The following LMF2 variants were observed in gnomAD, a reference collection of about 807,000 sequenced individuals.
LMF2 encodes transmembrane protein 112B.
A neutral mutation model predicts 81.5 loss-of-function variants in LMF2; 113 were observed. The observed-to-expected ratio is 1.39, with a 90% CI of 1.19 to 1.62. The LOEUF (loss-of-function observed/expected upper bound fraction) is 1.62, where lower values mean the gene tolerates loss of function less well. LMF2 is among the 40% of genes most tolerant of loss of function. The probability of loss-of-function intolerance (pLI) is 0.00; values close to 1 mark genes in which losing one functional copy is unlikely to be tolerated. For missense variants in LMF2, 1,235 were observed against 929.1 expected (o/e 1.33, Z -4.28); for synonymous variants, 645 against 424.5 (o/e 1.52, Z -6.39).
chr22:50,503,729 G>A (rs1365641486), intron 13 of LMF2, 30 bp from the exon 14 acceptor site: 2 of 1,587,372 alleles, frequency 1.3e-6, no homozygotes, highest in Non-Finnish European at 1.7e-6. Context: ...AGGGAGGTTG[G>A]GGAAGTGCTT....
chr22:50,506,405 C>T lies in LMF2; in HGVS notation c.475G>A (p.Gly159Arg). The T allele has an allele frequency of 6.5e-7, 1 of 1,549,948 alleles. No individual in the cohort carries two copies. Among genetic ancestry groups the T allele is most frequent in the Non-Finnish European group, 8.7e-7 (1 of 1,147,526 alleles). ...GGGAGGTCTTCGTGGGGCAGGGCCC[C>T]TGCCTGCCTGCCCTGGGGGGCCTCC... ...RKEAPQGRQA[G>R]ALPHEDLPFW... The change falls in exon 4 of 14, where the codon GGG becomes AGG. Residue 159 changes from glycine (G) to arginine (R), a missense_variant. Gly to Arg is a moderately radical substitution (Grantham distance 125). Coordinates refer to ENST00000474879, the MANE Select transcript of LMF2 (RefSeq NM_033200.3).
chr22:50,507,332 G>A (rs2068615381), intron 1 of LMF2: 4 of 605,436 alleles, frequency 6.6e-6, no homozygotes, highest in South Asian at 2.0e-5. Context: ...CTGGGAGGAA[G>A]CCTCTCTCCC....
Position 50,503,699 on chromosome 22 carries a change from C to T in LMF2, c.1816G>A (p.Glu606Lys), listed in dbSNP as rs2068467470. Residue 606 changes from glutamate (E) to lysine (K), a missense_variant and splice_region_variant, in exon 14 of 14, where the codon GAG becomes AAG. Physicochemically the swap from Glu to Lys is moderately conservative, Grantham distance 56. Coordinates refer to ENST00000474879, the MANE Select transcript of LMF2 (RefSeq NM_033200.3). ...ETLLRQFGLQ[E>K]KSPPRTRSAN... Reference sequence around the variant, plus strand: ...CTGCGGGTGCGAGGTGGGCTTTTCTCCTGTGGGAGGGAGGGAGGGAGGGAG... The same window carrying T: ...CTGCGGGTGCGAGGTGGGCTTTTCTTCTGTGGGAGGGAGGGAGGGAGGGAG... 7.9e-7 allele frequency: 1 copy of T among 1,264,468 alleles called. No individual in the cohort carries two copies. 78.3% of individuals were successfully genotyped at this position (1,264,468 alleles called of 1,614,324 possible). A position where few individuals can be genotyped will look rare whatever the true frequency, so the allele number is the denominator to read the frequency against.
At position 50,503,282 on chromosome 22, in the gene LMF2, C is replaced by T. The variant is rs1440043360; in HGVS notation, c.*109G>A. 5 of 1,222,710 alleles carry T rather than the reference C, an allele frequency of 4.1e-6. No individual in the cohort carries two copies. In the African/African-American group the frequency reaches 4.6e-5, roughly 11 times the overall value. 75.7% of individuals were successfully genotyped at this position (1,222,710 alleles called of 1,614,324 possible). ...CCAGGGGCAGCCCCCCAACCTGTGC[C>T]TGGCCCTGCAGGGTCAGCTAAGGCA... On this transcript the variant is annotated 3_prime_UTR_variant, in exon 14 of 14. Transcript: ENST00000474879.
chr22:50,505,787 GTGA>G lies in LMF2; in HGVS notation c.800_802del (p.Ile267del). On this transcript the variant is annotated inframe_deletion, in exon 6 of 14. Transcript: ENST00000474879. ...CAGGTTGAAGAAGTTGTAGTTGCCG[GTGA>G]TGATAATCAGGACCTGCAGCAGCAC... The G allele has an allele frequency of 6.2e-7, 1 of 1,613,228 alleles. No homozygotes were observed. Among genetic ancestry groups the G allele is most frequent in the Non-Finnish European group, 8.5e-7 (1 of 1,179,944 alleles).
Position 50,504,995 on chromosome 22 carries a change from G to A in LMF2, c.1255-11C>T. 2 of 1,610,722 alleles carry A rather than the reference G, an allele frequency of 1.2e-6. No homozygotes were observed. The highest frequency in any genetic ancestry group is 1.7e-6 in the Non-Finnish European group (2 of 1,178,348). On this transcript the variant is annotated splice_polypyrimidine_tract_variant and intron_variant, in intron 9 of 13. Transcript: ENST00000474879. Reference sequence around the variant, plus strand: ...GTAGGAGTACGGCACCTGGAGACAGGTGGGAGGTTCTCAGGGCTGCCCTGC... The same window carrying A: ...GTAGGAGTACGGCACCTGGAGACAGATGGGAGGTTCTCAGGGCTGCCCTGC...
rs746608098 is a variant in LMF2, at chr22:50,505,999, G to A, written c.774+36C>T. On this transcript the variant is annotated intron_variant, in intron 5 of 13. Transcript: ENST00000474879. ...TGAGCAGCGCTGAAGGCCGAGCCCTGTCTGCCTCTCTCTGACAGCTGCGGC... is the reference window on the plus strand; with the variant it reads ...TGAGCAGCGCTGAAGGCCGAGCCCTATCTGCCTCTCTCTGACAGCTGCGGC... 2.6e-6 allele frequency: 4 copies of A among 1,567,542 alleles called. No individual in the cohort carries two copies. In the South Asian group the frequency reaches 3.5e-5, roughly 14 times the overall value.
chr22:50,504,007 A>ACC (rs2068478449), intron 12 of LMF2, 103 bp from the exon 13 acceptor site: 2 of 935,654 alleles, frequency 2.1e-6, no homozygotes, highest in African/African-American at 2.1e-5. Context: ...CACGCTCCAC[A>ACC]TCCCCCCCTG....
chr22:50,506,472 C>G lies in LMF2; in HGVS notation c.408G>C (p.Leu136=). The change falls in exon 4 of 14, where the codon CTG becomes CTC. Residue 136 remains leucine (L), a synonymous_variant. Coordinates refer to ENST00000474879, the MANE Select transcript of LMF2 (RefSeq NM_033200.3). ...WDSLLLETGF[L]AVLVAPLRPA... ...GCCTCAGCGGGGCCACCAGCACGGC[C>G]AGGAAGCCAGTCTCTAGCAGCAGGG... 2 of 1,552,494 alleles carry G rather than the reference C, an allele frequency of 1.3e-6. No individual in the cohort carries two copies. The highest frequency in any genetic ancestry group is 1.7e-6 in the Non-Finnish European group (2 of 1,150,298).
In LMF2 at chr22:50,504,981, G is replaced by A. The variant is rs752475028; in HGVS notation, c.1258C>T (p.Pro420Ser). 3 of 1,609,922 alleles carry A rather than the reference G, an allele frequency of 1.9e-6. No individual in the cohort carries two copies. The highest frequency in any genetic ancestry group is 2.5e-6 in the Non-Finnish European group (3 of 1,177,768). The change falls in exon 10 of 14, where the codon CCG becomes TCG. Residue 420 changes from proline to serine, a missense_variant. Transcript: ENST00000474879. ...GTCCCGGGCTCCACGTAGGAGTACG[G>A]CACCTGGAGACAGGTGGGAGGTTCT... ...TVALFLISLV[P>S]YSYVEPGTHG...
rs374596193 is a variant in LMF2 at position 50,506,455 on chromosome 22, G to A, written c.425C>T (p.Pro142Leu). Reference protein sequence around the residue: ...ETGFLAVLVAPLRPASHRKEA... With the variant: ...ETGFLAVLVALLRPASHRKEA... The stretch of plus-strand genomic sequence containing the variant: ...CTTGCGGTGGGAGGCTGGCCTCAGC[G>A]GGGCCACCAGCACGGCCAGGAAGCC... The change falls in exon 4 of 14, where the codon CCG (proline) becomes CTG (leucine). Residue 142 changes from proline to leucine, a missense_variant. By Grantham distance (98) the Pro-to-Leu change is moderately conservative (BLOSUM62 -3). Transcript: ENST00000474879. 19 of 1,551,160 alleles carry A rather than the reference G, an allele frequency of 1.2e-5. No homozygotes were observed. Among genetic ancestry groups the A allele is most frequent in the African/African-American group, 4.1e-5 (3 of 73,530 alleles).
Position 50,503,001 on chromosome 22 carries a change from G to C in LMF2, c.*390C>G, listed in dbSNP as rs1392535508. On this transcript the variant is annotated 3_prime_UTR_variant, in exon 14 of 14. Transcript: ENST00000474879. ...TGCCCAGATCTAAAGGGCAGGATGG[G>C]CTGGTGTGAAGATGACGTGGAAGAT... 9.3e-6 allele frequency: 2 copies of C among 215,634 alleles called. No homozygotes were observed. The highest frequency in any genetic ancestry group is 1.8e-5 in the Non-Finnish European group (2 of 108,896). 13.4% of individuals were successfully genotyped at this position (215,634 alleles called of 1,614,324 possible).
Position 50,503,233 on chromosome 22 carries a change from C to A in LMF2, c.*158G>T. On this transcript the variant is annotated 3_prime_UTR_variant, in exon 14 of 14. Transcript: ENST00000474879. ...CTGGCGTGGGGGTGGGGCCTGGAGC[C>A]CTCAATGCAGCACCCTGCAAACCCC... is the stretch of plus-strand genomic sequence containing the variant. 1 of 694,404 alleles carries A rather than the reference C, an allele frequency of 1.4e-6. No homozygotes were observed. The highest frequency in any genetic ancestry group is 2.3e-6 in the Non-Finnish European group (1 of 433,868). 43.0% of individuals were successfully genotyped at this position (694,404 alleles called of 1,614,324 possible).
In LMF2 at chr22:50,504,052, A is replaced by ACCCCC. The variant is rs1455619856; in HGVS notation, c.1719-149_1719-148insGGGGG. The ACCCCC allele has an allele frequency of 9.6e-5, 55 of 572,518 alleles. No homozygotes were observed. The East Asian group carries it at 2.0e-3, about 21-fold the overall frequency. The allele number at this position is 572,518 out of a possible 1,614,324, so 35.5% of individuals were successfully genotyped here. On this transcript the variant is annotated intron_variant, in intron 12 of 13. Coordinates refer to ENST00000474879, the MANE Select transcript of LMF2 (RefSeq NM_033200.3). ...CTTACCCCTGCACCCCGGGCTCCAC[A>ACCCCC]CCCCACCCGGTGCCCGGCCTTACCC...
intron 3 of LMF2, 63 bp from the exon 4 acceptor site, chr22:50,506,565 C>G: frequency 1.3e-6 from 2 of 1,588,170 alleles, no homozygotes; most frequent in Middle Eastern, 1.7e-4. Context: ...TCGGAAAGTC[C>G]TCCCAGGAAG....
intron 3 of LMF2, 66 bp from the exon 4 acceptor site, chr22:50,506,568 C>G: frequency 6.3e-7 from 1 of 1,589,934 alleles, no homozygotes; most frequent in Non-Finnish European, 8.6e-7. Context: ...GAAAGTCCTC[C>G]CAGGAAGGGC....
intron 2 of LMF2, 50 bp from the exon 3 acceptor site, chr22:50,506,716 A>G (rs1264300233): frequency 1.2e-6 from 2 of 1,613,264 alleles, no homozygotes; most frequent in Admixed American, 1.7e-5. Context: ...GGACTCAGGT[A>G]AGGTAGAGGC....
intron 11 of LMF2, 51 bp downstream of exon 11, chr22:50,504,508 C>A (rs559481819): frequency 1.3e-6 from 2 of 1,494,028 alleles, no homozygotes; most frequent in East Asian, 4.8e-5. Context: ...CCTCCCCTCC[C>A]CACCCCGCTC....
Position 50,503,047 on chromosome 22 carries a change from C to T in LMF2, c.*344G>A, listed in dbSNP as rs1569517724. 6.9e-6 allele frequency: 2 copies of T among 289,440 alleles called. No homozygotes were observed. Among genetic ancestry groups the T allele is most frequent in the Non-Finnish European group, 1.3e-5 (2 of 155,186 alleles). 17.9% of individuals were successfully genotyped at this position (289,440 alleles called of 1,614,324 possible). On this transcript the variant is annotated 3_prime_UTR_variant, in exon 14 of 14. Coordinates refer to ENST00000474879, the MANE Select transcript of LMF2 (RefSeq NM_033200.3). ...AAGATGACAGTGCTTCCCCTCTTCC[C>T]CTGGGAGTCAGCCTCTTCCCCTCTG...
Sources: allele counts gnomAD v4.1 joint callset, GRCh38; gene constraint gnomAD v4.1.1; transcripts MANE v1.5; gene names NCBI Gene and HGNC (gene_info 2026-07-23, HGNC 2026-07-21).